The following CEMIP variants were observed in gnomAD, a reference collection of about 807,000 sequenced individuals.
The protein encoded by CEMIP is cell migration inducing hyaluronidase 1.
In CEMIP, 105 loss-of-function variants were observed where a neutral mutation model predicts 156.9. The observed-to-expected ratio is 0.67, with a 90% confidence interval of 0.57 to 0.79. CEMIP has a LOEUF of 0.79. Ranked by LOEUF, CEMIP falls within the 30% of genes least tolerant of loss-of-function variation. The pLI is 0.00. For synonymous variants in CEMIP, 676 were observed against 668.4 expected (o/e 1.01, Z -0.17); for missense variants, 1,457 against 1,769.4 (o/e 0.82, Z 3.17).
chr15:80,874,770 G>A (rs977878129), intron 3 of CEMIP, among the ~76,000 whole-genome samples: 32 of 152,274 alleles, frequency 2.1e-4, no homozygotes, highest in African/African-American at 7.7e-4. Flanking sequence ...GACAGACAGG[G>A]ACAATTTTTA....
At chr15:80,897,460 G>C (rs1899280735) in intron 12 of CEMIP, 1 of 406,556 alleles carries the variant, frequency 2.5e-6, no homozygotes, top group East Asian at 7.2e-5. Flanking sequence ...AAACAATGCA[G>C]CTGTGATGTC....
chr15:80,900,588 GTGT>G (rs1567090739), intron 12 of CEMIP, among the ~76,000 whole-genome samples: 62 of 56,944 alleles, frequency 1.1e-3, no homozygotes, highest in East Asian at 2.7e-3. Flanking sequence ...AGGTAGGGGT[GTGT>G]GTGTGTGTGT....
intron 19 of CEMIP, among the ~76,000 whole-genome samples, chr15:80,927,258 T>C (rs1900731578): frequency 6.6e-6 from 1 of 152,206 alleles, no homozygotes; most frequent in Non-Finnish European, 1.5e-5. Context: ...TCTGATTGGC[T>C]CTAGAAGGCA....
At chr15:80,904,335 G>A (rs1899701561) in intron 12 of CEMIP, among the ~76,000 whole-genome samples, 1 of 152,150 alleles carries the variant, frequency 6.6e-6, no homozygotes, top group Non-Finnish European at 1.5e-5. Context: ...AGACTACAGT[G>A]AGCTGTGATC....
chr15:80,788,354 C>T (rs1017677175), intron 1 of CEMIP, among the ~76,000 whole-genome samples: 1 of 151,332 alleles, frequency 6.6e-6, no homozygotes, highest in African/African-American at 2.4e-5. Context: ...GCCTGTAATC[C>T]CAGCTACTCC....
In CEMIP at chr15:80,906,826, G is replaced by C; in HGVS notation, c.1575G>C (p.Gly525=). The C allele has an allele frequency of 1.9e-6, 3 of 1,613,298 alleles. No individual in the cohort carries two copies. Among genetic ancestry groups the C allele is most frequent in the East Asian group, 4.5e-5 (2 of 44,854 alleles). ...ATTTCTTTGACTTCGATACCTTTGGGGGCCACATCAAGGTATGTGTCTCTC... is the reference window on the plus strand; with the variant it reads ...ATTTCTTTGACTTCGATACCTTTGGCGGCCACATCAAGGTATGTGTCTCTC... ...ICNFFDFDTF[G]GHIKFALGFK... Residue 525 remains glycine, a synonymous_variant, in exon 13 of 30, where the codon GGG becomes GGC. Transcript: ENST00000394685. The surrounding 1 kb of genome is among the most constrained non-coding windows in gnomAD (Gnocchi z 4.3).
At chr15:80,934,305 T>C (rs972963355) in intron 23 of CEMIP, among the ~76,000 whole-genome samples, 2 of 152,220 alleles carry the variant, frequency 1.3e-5, no homozygotes, top group African/African-American at 4.8e-5. Flanking sequence ...TTTAAATGAA[T>C]TGAAGTTTAA....
At chr15:80,835,371 G>A (rs1897248354) in intron 1 of CEMIP, among the ~76,000 whole-genome samples, 1 of 152,214 alleles carries the variant, frequency 6.6e-6, no homozygotes, top group Non-Finnish European at 1.5e-5. Flanking sequence ...GCAGAAACAA[G>A]GGAATACCCA....
chr15:80,798,999 A>C (rs906497152), intron 1 of CEMIP, among the ~76,000 whole-genome samples: 2 of 152,202 alleles, frequency 1.3e-5, no homozygotes, highest in Non-Finnish European at 2.9e-5. Flanking sequence ...AGCTTCATGG[A>C]ACAGTCTTTC....
intron 25 of CEMIP, 120 bp downstream of exon 25, chr15:80,938,099 T>C (rs1901202297): frequency 1.2e-6 from 1 of 819,342 alleles, no homozygotes; most frequent in Admixed American, 2.0e-5. Context: ...GACACCTTTC[T>C]AGGCATTTTG....
At chr15:80,825,800 T>C (rs1267376370) in intron 1 of CEMIP, among the ~76,000 whole-genome samples, 1 of 152,136 alleles carries the variant, frequency 6.6e-6, no homozygotes, top group Non-Finnish European at 1.5e-5. Flanking sequence ...TTAAGAATGC[T>C]CCCCTTTCCC....
In CEMIP at chr15:80,928,884, A is replaced by G. The variant is rs1478378541; in HGVS notation, c.2421-18A>G. ...AAGCCAGGGCATGCTCTGACTATCT[A>G]TCTGCTCTTGCCCACAGGTTTGCTG... On this transcript the variant is annotated intron_variant, in intron 19 of 29. Coordinates refer to ENST00000394685, the MANE Select transcript of CEMIP (RefSeq NM_001293298.2). The G allele has an allele frequency of 3.7e-6, 6 of 1,613,346 alleles. No homozygotes were observed. The highest frequency in any genetic ancestry group is 1.1e-5 in the South Asian group (1 of 91,042).
At chr15:80,855,794 A>G (rs1247003054) in intron 1 of CEMIP, among the ~76,000 whole-genome samples, 3 of 152,184 alleles carry the variant, frequency 2.0e-5, no homozygotes, top group Non-Finnish European at 4.4e-5. Context: ...AAGTGCTGGG[A>G]TTACAGGTGT....
intron 14 of CEMIP, among the ~76,000 whole-genome samples, chr15:80,912,300 G>A (rs1026963093): frequency 2.6e-5 from 4 of 152,248 alleles, no homozygotes; most frequent in African/African-American, 9.6e-5. Flanking sequence ...GTGGACTCTT[G>A]TAGCCAGAGC....
In CEMIP at chr15:80,886,310, G is replaced by A. The variant is rs918995187; in HGVS notation, c.798-1384G>A. The stretch of plus-strand genomic sequence containing the variant: ...AGAGAGGCAAGGGGTGAGAGGTGAG[G>A]CTGGAGGGGGGCGGGGGCAAAGGAC... On this transcript the variant is annotated intron_variant, in intron 7 of 29. Transcript: ENST00000394685. 3.9e-5 allele frequency among the ~76,000 whole-genome samples: 6 copies of A among 152,194 alleles called. No homozygotes were observed. In the East Asian group the frequency reaches 7.7e-4, roughly 20 times the overall value.
intron 1 of CEMIP, among the ~76,000 whole-genome samples, chr15:80,820,522 G>C (rs1896886578): frequency 6.6e-6 from 1 of 152,202 alleles, no homozygotes; most frequent in Non-Finnish European, 1.5e-5. Context: ...AGGAGTAGCA[G>C]TGGATCACAG....
chr15:80,860,408 C>T (rs768043553), intron 1 of CEMIP, among the ~76,000 whole-genome samples: 6 of 152,172 alleles, frequency 3.9e-5, no homozygotes, highest in African/African-American at 7.2e-5. Flanking sequence ...AGTTGTAAGT[C>T]GGGCCCACAC....
intron 12 of CEMIP, among the ~76,000 whole-genome samples, chr15:80,900,647 TG>T (rs1567090984): frequency 6.0e-5 from 7 of 117,618 alleles, no homozygotes; most frequent in African/African-American, 9.5e-5. Context: ...TGTGTGTGTG[TG>T]TCTGTGTGTG....
At chr15:80,893,570 G>A (rs997926586) in intron 10 of CEMIP, among the ~76,000 whole-genome samples, 1 of 152,174 alleles carries the variant, frequency 6.6e-6, no homozygotes, top group Non-Finnish European at 1.5e-5. Context: ...CAGGAGGCCC[G>A]AGGAGCTGGG....
Sources: allele counts gnomAD v4.1 joint callset (sites outside exome capture counted in the v4.1 genomes callset), GRCh38; gene constraint gnomAD v4.1.1; non-coding constraint Gnocchi (gnomAD v3.1); transcripts MANE v1.5; gene names NCBI Gene and HGNC (gene_info 2026-07-23, HGNC 2026-07-21).